Variants in ERICH2 observed in about 807,000 individuals in gnomAD.
ERICH2 encodes glutamate rich 2, also known as glutamate-rich protein 2.
In ERICH2, 17 loss-of-function variants were observed where a neutral mutation model predicts 17.4. The observed-to-expected ratio is 0.98, with a 90% CI of 0.67 to 1.47. ERICH2 has a LOEUF of 1.47. Ranked by LOEUF, ERICH2 falls within the 40% of genes most tolerant of loss-of-function variation. The pLI is 0.00. For synonymous variants in ERICH2, 51 were observed against 61.1 expected (o/e 0.83, Z 0.77); for missense variants, 186 against 183.2 (o/e 1.01, Z -0.09).
In ERICH2 at chr2:170,794,057, CCTTT is replaced by C. The variant is rs200687721; in HGVS notation, c.274+1151_274+1154del. 7.2e-3 allele frequency among the ~76,000 whole-genome samples: 1,066 copies of C among 148,662 alleles called. 13 individuals carry two copies. The highest frequency in any genetic ancestry group is 0.024 in the African/African-American group (968 of 40,358). ...AGCTCTAGTGTGTTTTGTTTTCCTT[CCTTT>C]CTTTCTTTCTTTCCTTCCTTCCTTC... On this transcript the variant is annotated intron_variant, in intron 3 of 4. Coordinates refer to ENST00000409885, the Ensembl canonical transcript of ERICH2.
At chr2:170,782,791 A>G (rs1701059932), upstream of ERICH2, among the ~76,000 whole-genome samples, 1 of 152,238 alleles carries the variant, frequency 6.6e-6, no homozygotes, top group Non-Finnish European at 1.5e-5. Context: ...ATTAAAAATA[A>G]AAAACAGGCC....
chr2:170,782,858 A>T (rs1701062362), upstream of ERICH2, among the ~76,000 whole-genome samples: 2 of 152,224 alleles, frequency 1.3e-5, no homozygotes, highest in African/African-American at 4.8e-5. Context: ...AGGCAAGAGG[A>T]TCAGCCCAGG....
chr2:170,783,106 T>C (rs1701068610), upstream of ERICH2: 1 of 149,058 alleles, frequency 6.7e-6, no homozygotes, highest in Non-Finnish European at 1.5e-5. Context: ...AAAAGAAGTT[T>C]AAAAATTTTT....
the ERICH2 span, among the ~76,000 whole-genome samples, chr2:170,774,564 CTTTTTTT>C: frequency 9.1e-5 from 9 of 98,574 alleles, no homozygotes; most frequent in Non-Finnish European, 9.4e-5. Context: ...AGAGCCCCAT[CTTTTTTT>C]TTTTTTTTTT....
chr2:170,781,445 C>T (rs1701025943), upstream of ERICH2, among the ~76,000 whole-genome samples: 1 of 151,872 alleles, frequency 6.6e-6, no homozygotes, highest in Admixed American at 6.6e-5. Flanking sequence ...ACCAACCTGG[C>T]CAAGATGGTG....
At chr2:170,798,623 T>C (rs1010389498) in intron 4 of ERICH2, 147 bp from the exon 10 acceptor site, 1 of 778,954 alleles carries the variant, frequency 1.3e-6, no homozygotes, top group Admixed American at 3.0e-5. Context: ...GTACTACCAT[T>C]TGACCCTAGT....
Position 170,784,645 on chromosome 2 carries a change from G to A in ERICH2, c.29-1G>A, listed in dbSNP as rs749730196. ...ATTAAATTAGGTATATTCTCTTTTAGGTGAAGTGAGCAAAGATGCAGTCAT... is the reference window on the plus strand; with the variant it reads ...ATTAAATTAGGTATATTCTCTTTTAAGTGAAGTGAGCAAAGATGCAGTCAT... On this transcript the variant is annotated splice_acceptor_variant, in intron 1 of 4. Transcript: ENST00000409885. LOFTEE classifies it high-confidence loss of function. 9.4e-6 allele frequency: 14 copies of A among 1,489,472 alleles called. No individual in the cohort carries two copies. Among genetic ancestry groups the A allele is most frequent in the Non-Finnish European group, 1.3e-5 (14 of 1,119,618 alleles). 92.3% of individuals were successfully genotyped at this position (1,489,472 alleles called of 1,614,324 possible).
chr2:170,798,628 C>G (rs777046602), intron 4 of ERICH2, 142 bp from the exon 10 acceptor site: 1 of 851,662 alleles, frequency 1.2e-6, no homozygotes, highest in Non-Finnish European at 1.8e-6. Flanking sequence ...ACCATTTGAC[C>G]CTAGTGCAGT....
the ERICH2 span, among the ~76,000 whole-genome samples, chr2:170,776,384 T>A: frequency 6.6e-6 from 1 of 152,180 alleles, no homozygotes. Flanking sequence ...GTTGTTGTAG[T>A]TGTTGTTTTT....
chr2:170,785,058 G>A (rs918132750), intron 2 of ERICH2, among the ~76,000 whole-genome samples: 7 of 152,060 alleles, frequency 4.6e-5, no homozygotes, highest in Non-Finnish European at 1.0e-4. Context: ...CTAGTATTCA[G>A]TAGTACAGTA....
At chr2:170,794,101 CTTTCTT>C (rs1293219103) in intron 3 of ERICH2, among the ~76,000 whole-genome samples, 2 of 79,758 alleles carry the variant, frequency 2.5e-5, no homozygotes, top group Non-Finnish European at 4.7e-5. Context: ...TCTTTCCTTT[CTTTCTT>C]TTTTTTTTTT....
chr2:170,785,872 A>G (rs1025087739), intron 2 of ERICH2, among the ~76,000 whole-genome samples: 1 of 152,126 alleles, frequency 6.6e-6, no homozygotes, highest in African/African-American at 2.4e-5. Flanking sequence ...AAACAATTTT[A>G]CCTCGCTTGT....
At chr2:170,772,849 A>G in the ERICH2 span, among the ~76,000 whole-genome samples, 2 of 152,222 alleles carry the variant, frequency 1.3e-5, no homozygotes, top group African/African-American at 4.8e-5. Flanking sequence ...ATTAGACTAC[A>G]AGGTAGCTTA....
Position 170,798,931 on chromosome 2 carries a change from T to C in ERICH2, c.*37T>C, listed in dbSNP as rs1196908702. On this transcript the variant is annotated 3_prime_UTR_variant, in exon 5 of 5. Transcript: ENST00000409885. Reference sequence around the variant, plus strand: ...ATACTTGAAGCTTCATGTATTTTCATTAATGTATACCATGCAAATATAAAG... The same window carrying C: ...ATACTTGAAGCTTCATGTATTTTCACTAATGTATACCATGCAAATATAAAG... The C allele has an allele frequency of 2.6e-6, 4 of 1,547,876 alleles. No homozygotes were observed. In the African/African-American group the frequency reaches 5.5e-5, roughly 21 times the overall value.
upstream of ERICH2, among the ~76,000 whole-genome samples, chr2:170,780,232 G>T (rs572500349): frequency 6.6e-6 from 1 of 152,178 alleles, no homozygotes; most frequent in South Asian, 2.1e-4. Context: ...AGAGTATACT[G>T]GTTACCTGTT....
At chr2:170,785,298 T>G (rs980291850) in intron 2 of ERICH2, among the ~76,000 whole-genome samples, 1 of 152,104 alleles carries the variant, frequency 6.6e-6, no homozygotes, top group Admixed American at 6.5e-5. Context: ...AAGATCCTTG[T>G]CCACACACAG....
chr2:170,774,525 T>C, the ERICH2 span, among the ~76,000 whole-genome samples: 1 of 150,948 alleles, frequency 6.6e-6, no homozygotes, highest in Non-Finnish European at 1.5e-5. Context: ...TGACAGGAAC[T>C]GGGATGTAAA....
chr2:170,792,108 C>CT (rs1443893924), intron 2 of ERICH2, among the ~76,000 whole-genome samples: 14 of 151,720 alleles, frequency 9.2e-5, no homozygotes. Context: ...AAATTGTAGC[C>CT]TAAGTAAGTA....
chr2:170,783,719 GT>G, upstream of ERICH2: 2 of 1,427,356 alleles, frequency 1.4e-6, no homozygotes, highest in Non-Finnish European at 1.9e-6. Context: ...AAATGAGACA[GT>G]TCCTGTGACA....
Sources: allele counts gnomAD v4.1 joint callset (sites outside exome capture counted in the v4.1 genomes callset), GRCh38; gene constraint gnomAD v4.1.1; transcripts MANE v1.5; gene names NCBI Gene and HGNC (gene_info 2026-07-23, HGNC 2026-07-21).